Variants in CARMIL1 observed in about 807,000 individuals in gnomAD.
The protein encoded by CARMIL1 is F-actin-uncapping protein LRRC16A.
Under a neutral mutation model 177.1 loss-of-function variants are expected in CARMIL1, and 90 were observed. That is an observed-to-expected ratio of 0.51 (90% confidence interval 0.43 to 0.61). CARMIL1 has a LOEUF of 0.61. CARMIL1 is among the 20% of genes least tolerant of loss of function. The pLI, the probability that CARMIL1 is intolerant of heterozygous loss-of-function variation, is 0.00. For synonymous variants in CARMIL1, 577 were observed against 606.2 expected (o/e 0.95, Z 0.71); for missense variants, 1,380 against 1,667.0 (o/e 0.83, Z 3.00).
chr6:25,545,618 G>A (rs1346243209), intron 26 of CARMIL1, among the ~76,000 whole-genome samples: 1 of 152,080 alleles, frequency 6.6e-6, no homozygotes, highest in African/African-American at 2.4e-5. Flanking sequence ...AACAAAAGGA[G>A]AATGTGAAAT....
intron 36 of CARMIL1, among the ~76,000 whole-genome samples, chr6:25,615,799 G>A (rs900195242): frequency 6.6e-6 from 1 of 152,174 alleles, no homozygotes; most frequent in Non-Finnish European, 1.5e-5. Flanking sequence ...TCATCATAGT[G>A]TTTTTCTCCT....
chr6:25,361,961 C>CA (rs1199248828), intron 2 of CARMIL1, among the ~76,000 whole-genome samples: 1 of 146,488 alleles, frequency 6.8e-6, no homozygotes, highest in Non-Finnish European at 1.5e-5. Flanking sequence ...TAAGACAGAG[C>CA]AAAAAATAAA....
chr6:25,467,931 T>C (rs1198883182), intron 9 of CARMIL1, among the ~76,000 whole-genome samples: 2 of 152,342 alleles, frequency 1.3e-5, no homozygotes, highest in African/African-American at 2.4e-5. Flanking sequence ...TGATTGGTAC[T>C]GAAGTGGGCA....
chr6:25,468,819 A>G (rs1237185255), intron 9 of CARMIL1, among the ~76,000 whole-genome samples: 1 of 152,180 alleles, frequency 6.6e-6, no homozygotes, highest in Non-Finnish European at 1.5e-5. Context: ...TCCTTAATAA[A>G]TTTGTATTAC....
At chr6:25,609,834 G>T (rs1477789753) in intron 35 of CARMIL1, among the ~76,000 whole-genome samples, 2 of 152,188 alleles carry the variant, frequency 1.3e-5, no homozygotes, top group Non-Finnish European at 1.5e-5. Flanking sequence ...TCATATTTGT[G>T]CAGATATTAA....
At chr6:25,599,147 G>A (rs1056384889) in intron 32 of CARMIL1, among the ~76,000 whole-genome samples, 1 of 152,214 alleles carries the variant, frequency 6.6e-6, no homozygotes, top group Non-Finnish European at 1.5e-5. Context: ...AGGATCCGAT[G>A]AATTTTTGAA....
chr6:25,330,909 T>A (rs1785560870), intron 2 of CARMIL1, among the ~76,000 whole-genome samples: 1 of 97,612 alleles, frequency 1.0e-5, no homozygotes, highest in Non-Finnish European at 2.1e-5. Flanking sequence ...TTTTTTTTTT[T>A]GAGGAGGAGG....
intron 2 of CARMIL1, among the ~76,000 whole-genome samples, chr6:25,384,955 C>A (rs990510267): frequency 3.3e-5 from 5 of 152,154 alleles, no homozygotes; most frequent in Non-Finnish European, 7.3e-5. Context: ...TTCATCTATC[C>A]AAGCATCCAG....
chr6:25,495,607 C>T (rs547045934), intron 16 of CARMIL1, among the ~76,000 whole-genome samples: 2 of 148,786 alleles, frequency 1.3e-5, no homozygotes, highest in African/African-American at 4.9e-5. Context: ...AATCTTTCTA[C>T]TAATAGTAAT....
chr6:25,465,071 CAAAA>C (rs558022196), intron 8 of CARMIL1, among the ~76,000 whole-genome samples: 2 of 62,016 alleles, frequency 3.2e-5, no homozygotes, highest in Non-Finnish European at 6.8e-5. Flanking sequence ...AGAACTAAAG[CAAAA>C]AAAAAAAAAA....
intron 2 of CARMIL1, among the ~76,000 whole-genome samples, chr6:25,317,580 T>A (rs1784376006): frequency 6.7e-6 from 1 of 150,158 alleles, no homozygotes; most frequent in Non-Finnish European, 1.5e-5. Flanking sequence ...TTTTTTTTTT[T>A]AATAGAGATG....
intron 4 of CARMIL1, 62 bp downstream of exon 4, chr6:25,426,622 A>G: frequency 6.8e-7 from 1 of 1,476,352 alleles, no homozygotes; most frequent in Non-Finnish European, 9.4e-7. Context: ...GAAACCCTAA[A>G]ATGTTCCTTG....
intron 2 of CARMIL1, among the ~76,000 whole-genome samples, chr6:25,330,666 G>A (rs968318372): frequency 7.0e-6 from 1 of 143,166 alleles, no homozygotes; most frequent in African/African-American, 2.6e-5. Flanking sequence ...ATAGTGAGAC[G>A]CACCCCCCCG....
chr6:25,596,880 T>TACACAC (rs1814908848), intron 32 of CARMIL1, among the ~76,000 whole-genome samples: 1 of 127,530 alleles, frequency 7.8e-6, no homozygotes. Context: ...CACACACACG[T>TACACAC]ACTCATGTAC....
At chr6:25,511,966 G>T (rs1201628488) in intron 20 of CARMIL1, among the ~76,000 whole-genome samples, 1 of 152,088 alleles carries the variant, frequency 6.6e-6, no homozygotes, top group African/African-American at 2.4e-5. Context: ...GAAATTAGGG[G>T]TATAATTAGA....
intron 21 of CARMIL1, among the ~76,000 whole-genome samples, chr6:25,516,961 C>T (rs2151067648): frequency 6.6e-6 from 1 of 152,218 alleles, no homozygotes; most frequent in Non-Finnish European, 1.5e-5. Context: ...TTATATTGGG[C>T]ATGGAACTGG....
Position 25,279,535 on chromosome 6 carries a change from C to T in CARMIL1, c.-261C>T. 1 of 560,760 alleles carries T rather than the reference C, an allele frequency of 1.8e-6. No homozygotes were observed. The allele number at this position is 560,760 out of a possible 1,614,324, so 34.7% of individuals were successfully genotyped here. A position where few individuals can be genotyped will look rare whatever the true frequency, so the allele number is the denominator to read the frequency against. On this transcript the variant is annotated 5_prime_UTR_variant, in exon 1 of 37. Transcript: ENST00000329474. The stretch of plus-strand genomic sequence containing the variant: ...CCGCGCCCGCTTGTAATCCGGTCCG[C>T]TCCTTATTCAGCCGCCGGGAACTGC...
intron 8 of CARMIL1, among the ~76,000 whole-genome samples, chr6:25,464,043 C>T (rs1291379402): frequency 2.0e-5 from 3 of 151,962 alleles, no homozygotes; most frequent in Middle Eastern, 3.4e-3. Flanking sequence ...AGGATGGTCT[C>T]GATCTCCTGA....
intron 2 of CARMIL1, among the ~76,000 whole-genome samples, chr6:25,376,125 G>A (rs1391526546): frequency 3.3e-5 from 5 of 152,206 alleles, no homozygotes; most frequent in South Asian, 2.1e-4. Flanking sequence ...TTGTCACCCA[G>A]GCTGGAGTGC....
Sources: gnomAD v4.1 joint callset for allele counts (sites outside exome capture counted in the v4.1 genomes callset) on GRCh38, gnomAD v4.1.1 for gene constraint, MANE v1.5 for transcripts, NCBI Gene and HGNC (gene_info 2026-07-23, HGNC 2026-07-21) for gene names.